AGBL4: variants seen among roughly 807,000 people sequenced by gnomAD.
The protein encoded by AGBL4 is cytosolic carboxypeptidase 6.
In AGBL4, 58 loss-of-function variants were observed where a neutral mutation model predicts 66.4. That is an observed-to-expected ratio of 0.87 (90% CI 0.71 to 1.09). The LOEUF (loss-of-function observed/expected upper bound fraction) is 1.09, where lower values mean the gene tolerates loss of function less well. Among genes scored for constraint, AGBL4 ranks in the 50% least tolerant of loss-of-function variants. AGBL4 has a pLI of 0.00. For synonymous variants in AGBL4, 234 were observed against 222.9 expected, an observed-to-expected ratio of 1.05 and a Z score of -0.44; for missense variants, 579 against 631.0, an observed-to-expected ratio of 0.92 and a Z score of 0.88.
intron 6 of AGBL4, among the ~76,000 whole-genome samples, chr1:48,813,329 G>A (rs1646100671): frequency 6.6e-6 from 1 of 152,122 alleles, no homozygotes; most frequent in East Asian, 1.9e-4. Context: ...ATACAGGCAG[G>A]CTTGTGAGAT....
intron 3 of AGBL4, among the ~76,000 whole-genome samples, chr1:49,553,703 C>T (rs1185456113): frequency 1.3e-5 from 2 of 152,096 alleles, no homozygotes; most frequent in Admixed American, 1.3e-4. Context: ...ATAGTATACT[C>T]TGTACTATAA....
chr1:49,452,031 C>A (rs771350548), intron 3 of AGBL4, among the ~76,000 whole-genome samples: 2 of 151,834 alleles, frequency 1.3e-5, no homozygotes, highest in African/African-American at 2.4e-5. Flanking sequence ...AACCTTCACC[C>A]AATGTTCTGG....
chr1:49,844,907 A>T, intron 2 of AGBL4: 1 of 1,372,184 alleles, frequency 7.3e-7, no homozygotes, highest in Non-Finnish European at 1.0e-6. Flanking sequence ...CCTGTTCAGG[A>T]GCAGTGACAG....
intron 1 of AGBL4, among the ~76,000 whole-genome samples, chr1:49,879,450 G>A (rs1464061171): frequency 2.0e-5 from 3 of 148,550 alleles, no homozygotes; most frequent in Non-Finnish European, 4.5e-5. Context: ...GAAATTCTGG[G>A]TTGAAAATTA....
intron 8 of AGBL4, among the ~76,000 whole-genome samples, chr1:48,639,728 C>T (rs1449513984): frequency 2.0e-5 from 3 of 152,114 alleles, no homozygotes; most frequent in Admixed American, 2.0e-4. Flanking sequence ...GGGAGTTTGC[C>T]AAGAGTCAAG....
At chr1:48,805,454 T>C (rs1250596308) in intron 6 of AGBL4, among the ~76,000 whole-genome samples, 1 of 152,126 alleles carries the variant, frequency 6.6e-6, no homozygotes, top group African/African-American at 2.4e-5. Flanking sequence ...AAAATGTAGT[T>C]TCATATTTCA....
At chr1:49,847,705 G>GTTT (rs143820918) in intron 2 of AGBL4, among the ~76,000 whole-genome samples, 1 of 142,074 alleles carries the variant, frequency 7.0e-6, no homozygotes, top group Non-Finnish European at 1.6e-5. Context: ...AAATAAACTT[G>GTTT]TTTTTTTTTT....
chr1:49,937,187 A>G (rs1446930421), intron 1 of AGBL4, among the ~76,000 whole-genome samples: 1 of 152,212 alleles, frequency 6.6e-6, no homozygotes, highest in Non-Finnish European at 1.5e-5. Flanking sequence ...AAGGGTTGCA[A>G]TCCTAGTCTC....
chr1:48,573,500 G>A (rs1302669896), intron 11 of AGBL4, among the ~76,000 whole-genome samples: 1 of 152,182 alleles, frequency 6.6e-6, no homozygotes, highest in Non-Finnish European at 1.5e-5. Context: ...GTCACAGACT[G>A]AACCCTGGCT....
intron 4 of AGBL4, among the ~76,000 whole-genome samples, chr1:49,050,640 C>T (rs930521140): frequency 3.3e-5 from 5 of 151,966 alleles, no homozygotes; most frequent in Non-Finnish European, 7.4e-5. Flanking sequence ...AAATGCTATT[C>T]CTTGCCTTTT....
intron 1 of AGBL4, among the ~76,000 whole-genome samples, chr1:50,012,165 C>CAAAAAA (rs34501869): frequency 2.1e-5 from 1 of 47,760 alleles, no homozygotes; most frequent in Non-Finnish European, 4.6e-5. Flanking sequence ...GACTCCGTCT[C>CAAAAAA]AAAAAAAAAA....
chr1:48,542,434 T>G (rs1312094214), intron 11 of AGBL4, among the ~76,000 whole-genome samples: 3 of 152,228 alleles, frequency 2.0e-5, no homozygotes, highest in Non-Finnish European at 4.4e-5. Flanking sequence ...TCCACAATGG[T>G]TGAAATAATT....
At chr1:49,282,927 G>A (rs1408758488) in intron 3 of AGBL4, among the ~76,000 whole-genome samples, 9 of 152,250 alleles carry the variant, frequency 5.9e-5, no homozygotes, top group East Asian at 1.9e-4. Context: ...ACTGCAAGGC[G>A]GCAGCGAGGC....
rs145491923 is a variant in AGBL4, at chr1:49,356,214, A to T, written c.283-110350T>A. On this transcript the variant is annotated intron_variant, in intron 3 of 13. Coordinates refer to ENST00000371839, the MANE Select transcript of AGBL4 (RefSeq NM_032785.4). Reference sequence around the variant, plus strand: ...ATCTTATATCACTATGTTTCAGAAAACCAAGATTTTTCTATGGATTAATTT... The same window carrying T: ...ATCTTATATCACTATGTTTCAGAAATCCAAGATTTTTCTATGGATTAATTT... Among the ~76,000 whole-genome samples, 986 of 152,194 alleles carry T rather than the reference A, an allele frequency of 6.5e-3. 11 individuals carry two copies. Among genetic ancestry groups the T allele is most frequent in the Non-Finnish European group, 7.1e-3 (480 of 68,008 alleles).
intron 3 of AGBL4, among the ~76,000 whole-genome samples, chr1:49,412,934 A>T (rs1334185001): frequency 1.3e-5 from 2 of 152,138 alleles, no homozygotes; most frequent in Non-Finnish European, 2.9e-5. Context: ...GAGGAGGAGG[A>T]TTTATTGACA....
chr1:48,967,034 A>T (rs10430112), intron 5 of AGBL4, among the ~76,000 whole-genome samples: 1 of 139,342 alleles, frequency 7.2e-6, no homozygotes, highest in African/African-American at 2.7e-5. Flanking sequence ...TTTTTTTTTT[A>T]AACACACACA....
At chr1:48,682,318 G>C (rs1470265692) in intron 6 of AGBL4, among the ~76,000 whole-genome samples, 2 of 152,132 alleles carry the variant, frequency 1.3e-5, no homozygotes, top group Admixed American at 6.5e-5. Context: ...CTTTTCCCTG[G>C]CTCTCTGGCT....
At chr1:49,477,419 G>A (rs1463192596) in intron 3 of AGBL4, among the ~76,000 whole-genome samples, 1 of 152,068 alleles carries the variant, frequency 6.6e-6, no homozygotes, top group Non-Finnish European at 1.5e-5. Flanking sequence ...GAGATCAAGA[G>A]TCTCTGCCTG....
At chr1:49,572,506 A>G (rs1432170378) in intron 3 of AGBL4, among the ~76,000 whole-genome samples, 3 of 152,112 alleles carry the variant, frequency 2.0e-5, no homozygotes, top group Non-Finnish European at 4.4e-5. Flanking sequence ...CAAACAATCA[A>G]TATTTCATTT....
Sources: gnomAD v4.1 joint callset for allele counts (sites outside exome capture counted in the v4.1 genomes callset) on GRCh38, gnomAD v4.1.1 for gene constraint, MANE v1.5 for transcripts, NCBI Gene and HGNC (gene_info 2026-07-23, HGNC 2026-07-21) for gene names.